NOL10: variants seen among roughly 807,000 people sequenced by gnomAD.
NOL10 encodes H_NH0074G24.1.
In NOL10, 58 loss-of-function variants were observed where a neutral mutation model predicts 103.5. The ratio of observed to expected loss-of-function variants is 0.56; its 90% CI spans 0.45 to 0.70. NOL10 has a LOEUF of 0.70. Among genes scored for constraint, NOL10 ranks in the 30% least tolerant of loss-of-function variants. The probability of loss-of-function intolerance (pLI) is 0.00; values close to 1 mark genes in which losing one functional copy is unlikely to be tolerated. For missense variants in NOL10, 763 were observed against 807.3 expected, an observed-to-expected ratio of 0.95 and a Z score of 0.67; for synonymous variants, 287 against 282.5, an observed-to-expected ratio of 1.02 and a Z score of -0.16.
At chr2:10,596,274 C>T (rs1266879101) in intron 17 of NOL10, among the ~76,000 whole-genome samples, 4 of 109,042 alleles carry the variant, frequency 3.7e-5, no homozygotes, top group Admixed American at 1.1e-4. Flanking sequence ...GGGGGGCGGG[C>T]GCGAGGGAGT....
chr2:10,684,096 T>C (rs1681975196), intron 2 of NOL10, among the ~76,000 whole-genome samples: 1 of 151,006 alleles, frequency 6.6e-6, no homozygotes, highest in Non-Finnish European at 1.5e-5. Flanking sequence ...CTGACCAACA[T>C]GGAGAAACCC....
rs533198713 is a variant in NOL10, at chr2:10,663,239, C to T, written c.592-195G>A. On this transcript the variant is annotated intron_variant, in intron 8 of 20. Transcript: ENST00000381685. ...AAAAATTAGCTGGGTATGTGGTGCACGCCTGTAATCCCAGCTACTTGGGAG... is the reference window on the plus strand; with the variant it reads ...AAAAATTAGCTGGGTATGTGGTGCATGCCTGTAATCCCAGCTACTTGGGAG... Among the ~76,000 whole-genome samples, 31 of 151,988 alleles carry T rather than the reference C, an allele frequency of 2.0e-4. No homozygotes were observed. The South Asian group carries it at 2.7e-3, about 13-fold the overall frequency.
intron 13 of NOL10, among the ~76,000 whole-genome samples, chr2:10,637,835 A>G (rs1162235636): frequency 6.6e-6 from 1 of 152,222 alleles, no homozygotes; most frequent in African/African-American, 2.4e-5. Flanking sequence ...AGGGTTCTTC[A>G]TGTTTTTAAC....
chr2:10,634,539 T>C (rs1479842308), intron 13 of NOL10: 1 of 456,566 alleles, frequency 2.2e-6, no homozygotes, highest in Non-Finnish European at 4.4e-6. Flanking sequence ...GATATGTACC[T>C]CTGTAGCTCA....
intron 2 of NOL10, among the ~76,000 whole-genome samples, chr2:10,682,628 A>T (rs1681859569): frequency 6.6e-6 from 1 of 151,432 alleles, no homozygotes; most frequent in Non-Finnish European, 1.5e-5. Flanking sequence ...TCAAACTTCT[A>T]GGGCCAAGCA....
At chr2:10,653,672 C>G (rs1679635809) in intron 12 of NOL10, among the ~76,000 whole-genome samples, 1 of 152,172 alleles carries the variant, frequency 6.6e-6, no homozygotes, top group Non-Finnish European at 1.5e-5. Context: ...ACCGAGCCCT[C>G]TGTGCCCATC....
chr2:10,633,741 T>C (rs1677999755), intron 13 of NOL10, among the ~76,000 whole-genome samples: 1 of 151,976 alleles, frequency 6.6e-6, no homozygotes, highest in Non-Finnish European at 1.5e-5. Context: ...CACTGGAAGG[T>C]TTTAAGCAGA....
At position 10,587,172 on chromosome 2, in the gene NOL10, T is replaced by TATATAC. The variant is rs1558270499; in HGVS notation, c.1844+1870_1844+1871insGTATAT. Reference sequence around the variant, plus strand: ...ATACATATATACACATATATACACATATATATACACATATATATACACATA... The same window carrying TATATAC: ...ATACATATATACACATATATACACATATATACATATATACACATATATATACACATA... On this transcript the variant is annotated intron_variant, in intron 19 of 20. Transcript: ENST00000381685. Among the ~76,000 whole-genome samples, 4 of 22,612 alleles carry TATATAC rather than the reference T, an allele frequency of 1.8e-4. 2 individuals carry two copies. The highest frequency in any genetic ancestry group is 1.8e-3 in the East Asian group (2 of 1,108). The allele number at this position is 22,612 out of a possible 152,430, so 14.8% of individuals were successfully genotyped here.
At chr2:10,618,394 A>G (rs1320719819) in intron 13 of NOL10, among the ~76,000 whole-genome samples, 5 of 152,200 alleles carry the variant, frequency 3.3e-5, no homozygotes, top group Admixed American at 1.3e-4. Context: ...GGGGTTCCCC[A>G]CAGTCCTCTG....
At chr2:10,639,393 G>A (rs1425617224) in intron 13 of NOL10, among the ~76,000 whole-genome samples, 3 of 152,168 alleles carry the variant, frequency 2.0e-5, no homozygotes, top group Non-Finnish European at 2.9e-5. Context: ...TTGCACTCCA[G>A]CCTGGGCGAC....
intron 3 of NOL10, among the ~76,000 whole-genome samples, chr2:10,681,424 G>C (rs146771239): frequency 4.2e-4 from 64 of 152,198 alleles, no homozygotes; most frequent in African/African-American, 1.3e-3. Context: ...GGCTAAACTT[G>C]TCTATATTGA....
chr2:10,614,546 C>T (rs912832441), intron 13 of NOL10, among the ~76,000 whole-genome samples: 7 of 152,190 alleles, frequency 4.6e-5, no homozygotes, highest in Admixed American at 1.3e-4. Context: ...ATCATATTAA[C>T]ATCTCTGCAG....
At position 10,589,659 on chromosome 2, in the gene NOL10, A is replaced by T; in HGVS notation, c.1515T>A (p.Leu505=). 6.3e-7 allele frequency: 1 copy of T among 1,592,386 alleles called. No individual in the cohort carries two copies. The highest frequency in any genetic ancestry group is 8.5e-7 in the Non-Finnish European group (1 of 1,170,746). Residue 505 remains leucine, a synonymous_variant, in exon 18 of 21, where the codon CTT becomes CTA. Transcript: ENST00000381685. ...TAATTTTTGAAACAAGTGGATTCAG[A>T]AGCCTAAATTCTTCACTCTCTTCAT... The part of the protein sequence containing the change: ...QVDEESEEFR[L]LNPLVSKISE...
At chr2:10,574,515 C>A (rs1674351085) in intron 20 of NOL10, among the ~76,000 whole-genome samples, 1 of 152,078 alleles carries the variant, frequency 6.6e-6, no homozygotes, top group Non-Finnish European at 1.5e-5. Context: ...GGCATGGTGG[C>A]AGCTGCCTGT....
intron 3 of NOL10, among the ~76,000 whole-genome samples, chr2:10,678,203 C>T (rs768347343): frequency 4.8e-5 from 7 of 147,116 alleles, no homozygotes; most frequent in African/African-American, 7.8e-5. Flanking sequence ...TGCACACCAC[C>T]ACTTTCAGCT....
At chr2:10,676,431 GAATA>G (rs1215030575) in intron 3 of NOL10, among the ~76,000 whole-genome samples, 2 of 152,118 alleles carry the variant, frequency 1.3e-5, no homozygotes, top group Non-Finnish European at 2.9e-5. Flanking sequence ...GAAAATAGTT[GAATA>G]AATGACAATA....
chr2:10,571,914 C>A lies in NOL10; in HGVS notation c.*157G>T. The A allele has an allele frequency of 1.1e-6, 1 of 888,480 alleles. No homozygotes were observed. Among genetic ancestry groups the A allele is most frequent in the East Asian group, 2.7e-5 (1 of 37,304 alleles). The allele number at this position is 888,480 out of a possible 1,614,324, so 55.0% of individuals were successfully genotyped here. A position where few individuals can be genotyped will look rare whatever the true frequency, so the allele number is the denominator to read the frequency against. On this transcript the variant is annotated 3_prime_UTR_variant, in exon 21 of 21. Coordinates refer to ENST00000381685, the MANE Select transcript of NOL10 (RefSeq NM_024894.4). ...CGGCGGGGCCAGCTTCAAAGTCCAA[C>A]CCACAAGGCACAGGTTTTCAAATCT...
At position 10,673,574 on chromosome 2, in the gene NOL10, AG is replaced by A; in HGVS notation, c.290-18del. On this transcript the variant is annotated intron_variant, in intron 4 of 20. Coordinates refer to ENST00000381685, the MANE Select transcript of NOL10 (RefSeq NM_024894.4). ...AGGTGACAACTGAAAAACAAGAAAT[AG>A]GAAAAATACAATTATCAAACAATAT... is the stretch of plus-strand genomic sequence containing the variant. 6.5e-7 allele frequency: 1 copy of A among 1,537,332 alleles called. No individual in the cohort carries two copies. The highest frequency in any genetic ancestry group is 8.9e-7 in the Non-Finnish European group (1 of 1,120,684).
chr2:10,667,462 C>T (rs1010675589), intron 7 of NOL10, among the ~76,000 whole-genome samples, 184 bp from the exon 8 acceptor site: 8 of 152,212 alleles, frequency 5.3e-5, no homozygotes, highest in Non-Finnish European at 8.8e-5. Flanking sequence ...GGCTCAGTCA[C>T]TGGAGTTTCT....
Sources: allele counts gnomAD v4.1 joint callset (sites outside exome capture counted in the v4.1 genomes callset), GRCh38; gene constraint gnomAD v4.1.1; transcripts MANE v1.5; gene names NCBI Gene and HGNC (gene_info 2026-07-23, HGNC 2026-07-21).